TRABD2A: variants seen among roughly 807,000 people sequenced by gnomAD.
TRABD2A encodes TraB domain containing 2A, also known as metalloprotease TIKI1.
In TRABD2A, 43 loss-of-function variants were observed where a neutral mutation model predicts 45.6. That is an observed-to-expected ratio of 0.94 (90% CI 0.74 to 1.22). The LOEUF (loss-of-function observed/expected upper bound fraction) is 1.22, where lower values mean the gene tolerates loss of function less well. TRABD2A is among the 50% of genes most tolerant of loss of function. The probability of loss-of-function intolerance (pLI) is 0.00; values close to 1 mark genes in which losing one functional copy is unlikely to be tolerated. For synonymous variants in TRABD2A, 269 were observed against 265.0 expected, an observed-to-expected ratio of 1.02 and a Z score of -0.15; for missense variants, 642 against 652.4, an observed-to-expected ratio of 0.98 and a Z score of 0.17.
chr2:84,870,710 G>A lies in TRABD2A; in HGVS notation c.184C>T (p.Pro62Ser), dbSNP rs1301991772. The change falls in exon 2 of 7, where the codon CCG becomes TCG. Residue 62 changes from proline to serine, a missense_variant. Transcript: ENST00000409520. Reference sequence around the variant, plus strand: ...ATGAAGTCCCAAACTCGGGTGTACGGGACATGGATTGTGCCAAAGAAGTAA... The same window carrying A: ...ATGAAGTCCCAAACTCGGGTGTACGAGACATGGATTGTGCCAAAGAAGTAA... ...PSYFFGTIHV[P>S]YTRVWDFIPD... is the part of the protein sequence containing the mutation. 1 of 1,604,010 alleles carries A rather than the reference G, an allele frequency of 6.2e-7. No individual in the cohort carries two copies. The highest frequency in any genetic ancestry group is 1.3e-5 in the African/African-American group (1 of 74,764).
intron 2 of TRABD2A, among the ~76,000 whole-genome samples, chr2:84,849,157 C>T (rs973995445): frequency 2.0e-5 from 3 of 152,084 alleles, no homozygotes; most frequent in Admixed American, 6.6e-5. Flanking sequence ...AACCCAAAGC[C>T]GTCCTGAGAC....
At chr2:84,825,170 G>C (rs548405854) in intron 5 of TRABD2A, among the ~76,000 whole-genome samples, 1 of 152,126 alleles carries the variant, frequency 6.6e-6, no homozygotes, top group Non-Finnish European at 1.5e-5. Flanking sequence ...CAGTGGATGC[G>C]CCATGTCTAG....
chr2:84,823,824 G>A lies in TRABD2A; in HGVS notation c.1334+129C>T, dbSNP rs1681063832. 6 of 1,306,528 alleles carry A rather than the reference G, an allele frequency of 4.6e-6. No individual in the cohort carries two copies. In the East Asian group the frequency reaches 1.5e-4, roughly 32 times the overall value. 80.9% of individuals were successfully genotyped at this position (1,306,528 alleles called of 1,614,324 possible). A position where few individuals can be genotyped will look rare whatever the true frequency, so the allele number is the denominator to read the frequency against. On this transcript the variant is annotated intron_variant, in intron 6 of 6. Transcript: ENST00000409520. ...CACAGTGGACAGAAAAAGGGTGCCT[G>A]GGGTCATGAGGAAAGGGAAAGGTTG... is the stretch of plus-strand genomic sequence containing the variant.
At chr2:84,825,967 T>C (rs1681135007) in intron 5 of TRABD2A, among the ~76,000 whole-genome samples, 1 of 152,044 alleles carries the variant, frequency 6.6e-6, no homozygotes, top group African/African-American at 2.4e-5. Context: ...CCCCGATCCA[T>C]GGAAAAATTT....
chr2:84,874,961 C>CTTTA (rs1682983632), intron 1 of TRABD2A: 1 of 164,674 alleles, frequency 6.1e-6, no homozygotes. Flanking sequence ...CATCACCAAT[C>CTTTA]TTTAGCCAGA....
intron 2 of TRABD2A, chr2:84,843,529 G>C (rs1359163437): frequency 1.3e-5 from 2 of 152,244 alleles, no homozygotes; most frequent in Non-Finnish European, 1.5e-5. Context: ...CAAAATGCCT[G>C]AGACTGGGTA....
intron 5 of TRABD2A, among the ~76,000 whole-genome samples, chr2:84,825,955 C>A (rs550160673): frequency 1.3e-5 from 2 of 152,124 alleles, no homozygotes; most frequent in Non-Finnish European, 2.9e-5. Context: ...CCATCCCCCC[C>A]TCCCCGATCC....
In TRABD2A at chr2:84,823,196, A is replaced by G. The variant is rs183832558; in HGVS notation, c.1334+757T>C. On this transcript the variant is annotated intron_variant, in intron 6 of 6. Coordinates refer to ENST00000409520, the MANE Select transcript of TRABD2A (RefSeq NM_001277053.2). Reference sequence around the variant, plus strand: ...ACTTTCCTGACCTCTGACCCTAAGTAGTAACCTCCAACACACACACACATA... The same window carrying G: ...ACTTTCCTGACCTCTGACCCTAAGTGGTAACCTCCAACACACACACACATA... Among the ~76,000 whole-genome samples the G allele has an allele frequency of 4.1e-4, 63 of 152,288 alleles. 1 individual carries two copies. The East Asian group carries it at 0.011, about 28-fold the overall frequency.
intron 1 of TRABD2A, among the ~76,000 whole-genome samples, chr2:84,879,378 C>T (rs759563267): frequency 4.6e-5 from 7 of 152,038 alleles, no homozygotes; most frequent in Non-Finnish European, 8.8e-5. Flanking sequence ...ACAAGGGTCT[C>T]GCCATGTTGG....
chr2:84,853,845 C>A (rs1682181481), intron 2 of TRABD2A, among the ~76,000 whole-genome samples: 1 of 152,160 alleles, frequency 6.6e-6, no homozygotes, highest in Admixed American at 6.5e-5. Flanking sequence ...TATGGTGAAA[C>A]TCCATCTGTA....
chr2:84,832,701 G>C (rs1681378767), intron 4 of TRABD2A: 1 of 153,000 alleles, frequency 6.5e-6, no homozygotes, highest in Non-Finnish European at 1.5e-5. Flanking sequence ...TTGAGAGGCT[G>C]AGGCAGGAGA....
intron 2 of TRABD2A, among the ~76,000 whole-genome samples, chr2:84,860,605 C>T (rs1682465001): frequency 6.6e-6 from 1 of 152,236 alleles, no homozygotes; most frequent in Non-Finnish European, 1.5e-5. Flanking sequence ...CTCATGTCCA[C>T]TGCAGTTATT....
chr2:84,865,667 GACGTCCGATC>G (rs1682652454), intron 2 of TRABD2A, among the ~76,000 whole-genome samples: 1 of 152,192 alleles, frequency 6.6e-6, no homozygotes, highest in African/African-American at 2.4e-5. Flanking sequence ...ACCCCACCAC[GACGTCCGATC>G]ACTTGGTGGG....
chr2:84,862,353 T>C (rs11677819), intron 2 of TRABD2A, among the ~76,000 whole-genome samples: 3,918 of 152,290 alleles, frequency 0.026, 82 homozygotes, highest in South Asian at 0.057. Flanking sequence ...AGACGTGTCA[T>C]TGGGCTGATC....
rs1315427907 is a variant in TRABD2A at position 84,848,375 on chromosome 2, T to TAGATAGATAGATAGAC, written c.670-6369_670-6368insGTCTATCTATCTATCT. Among the ~76,000 whole-genome samples the TAGATAGATAGATAGAC allele has an allele frequency of 3.7e-3, 299 of 80,522 alleles. 1 individual carries two copies. Among genetic ancestry groups the TAGATAGATAGATAGAC allele is most frequent in the Non-Finnish European group, 5.4e-3 (213 of 39,440 alleles). 52.8% of individuals were successfully genotyped at this position (80,522 alleles called of 152,430 possible). The stretch of plus-strand genomic sequence containing the variant: ...ATAGATAGATAGATAGATAGATAGA[T>TAGATAGATAGATAGAC]AGACAGACAGACAGACAGACAGACA... On this transcript the variant is annotated intron_variant, in intron 2 of 6. Coordinates refer to ENST00000409520, the MANE Select transcript of TRABD2A (RefSeq NM_001277053.2).
chr2:84,856,012 C>G (rs1035021580), intron 2 of TRABD2A, among the ~76,000 whole-genome samples: 1 of 152,228 alleles, frequency 6.6e-6, no homozygotes, highest in Non-Finnish European at 1.5e-5. Context: ...CCCCACTAGC[C>G]TCCCCGCACT....
intron 5 of TRABD2A, among the ~76,000 whole-genome samples, chr2:84,826,281 C>A (rs1681142861): frequency 6.6e-6 from 1 of 152,186 alleles, no homozygotes; most frequent in South Asian, 2.1e-4. Context: ...TCACAACAAA[C>A]AAAGACCTCA....
At position 84,830,533 on chromosome 2, in the gene TRABD2A, G is replaced by A. The variant is rs1309086637; in HGVS notation, c.1082+1522C>T. 1.3e-5 allele frequency among the ~76,000 whole-genome samples: 2 copies of A among 152,226 alleles called. No homozygotes were observed. Among genetic ancestry groups the A allele is most frequent in the African/African-American group, 4.8e-5 (2 of 41,452 alleles). ...AAGGGCGAAGAGTGAACCAGAGGGA[G>A]AAGGGCCTGGAAGGGGGCGGTGGCC... On this transcript the variant is annotated intron_variant, in intron 5 of 6. Transcript: ENST00000409520. This position sits in a 1 kb window ranked among gnomAD's most constrained non-coding sequence, Gnocchi z 4.9.
At chr2:84,844,300 T>C (rs543200611) in intron 2 of TRABD2A, among the ~76,000 whole-genome samples, 23 of 152,324 alleles carry the variant, frequency 1.5e-4, no homozygotes, top group Non-Finnish European at 2.8e-4. Flanking sequence ...GTTCTCGTGA[T>C]AGTGAATAAG....
Sources: gnomAD v4.1 joint callset for allele counts (sites outside exome capture counted in the v4.1 genomes callset) on GRCh38, gnomAD v4.1.1 for gene constraint, Gnocchi (gnomAD v3.1) non-coding constraint, MANE v1.5 for transcripts, NCBI Gene and HGNC (gene_info 2026-07-23, HGNC 2026-07-21) for gene names.